TRAPPC13: variants seen among roughly 807,000 people sequenced by gnomAD.
TRAPPC13 encodes trafficking protein particle complex subunit 13, also known as REV7-interacting novel NHEJ regulator 1.
TRAPPC13 carries 39 observed loss-of-function variants against 54.0 expected under a neutral mutation model. That is an observed-to-expected ratio of 0.72 (90% CI 0.56 to 0.94). The LOEUF (loss-of-function observed/expected upper bound fraction) is 0.94. Ranked by LOEUF, TRAPPC13 falls within the 40% of genes least tolerant of loss-of-function variation. TRAPPC13 has a pLI of 0.00. For synonymous variants in TRAPPC13, 148 were observed against 167.7 expected (o/e 0.88, Z 0.91); for missense variants, 386 against 488.1 (o/e 0.79, Z 1.97).
At chr5:65,630,387 TGGA>T (rs1363101721) in intron 1 of TRAPPC13, 5 of 1,428,590 alleles carry the variant, frequency 3.5e-6, no homozygotes, top group Non-Finnish European at 4.6e-6. Flanking sequence ...GAAATGAATA[TGGA>T]TTGAAATAGA....
chr5:65,644,809 A>G (rs1756118735), intron 4 of TRAPPC13, among the ~76,000 whole-genome samples: 1 of 150,754 alleles, frequency 6.6e-6, no homozygotes, highest in Non-Finnish European at 1.5e-5. Flanking sequence ...TGAATCTGGG[A>G]GGTAGAGGTT....
Position 65,647,123 on chromosome 5 carries a change from A to G in TRAPPC13, c.369A>G (p.Lys123=). 2.5e-6 allele frequency: 4 copies of G among 1,572,266 alleles called. No individual in the cohort carries two copies. The highest frequency in any genetic ancestry group is 3.5e-6 in the Non-Finnish European group (4 of 1,156,850). Reference sequence around the variant, plus strand: ...CCAATGCTGCAGTGGCTGAACTTAAACCGGATTGTTGTATTGATGATGTCA... The same window carrying G: ...CCAATGCTGCAGTGGCTGAACTTAAGCCGGATTGTTGTATTGATGATGTCA... The part of the protein sequence containing the change: ...SASNAAVAEL[K]PDCCIDDVIH... The change falls in exon 5 of 13, where the codon AAA becomes AAG. Residue 123 remains lysine, a synonymous_variant. Coordinates refer to ENST00000399438, the MANE Select transcript of TRAPPC13 (RefSeq NM_024941.4).
rs150115894 is a variant in TRAPPC13, at chr5:65,648,567, C to T, written c.428+1385C>T. Among the ~76,000 whole-genome samples, 1,421 of 152,188 alleles carry T rather than the reference C, an allele frequency of 9.3e-3. 24 individuals are homozygous for T. Among genetic ancestry groups the T allele is most frequent in the African/African-American group, 0.033 (1,364 of 41,512 alleles). ...AGCAGCTAGTTTAGAAGACATAGAACTCAAATCCAAACCTAGTTTTAGATC... is the reference window on the plus strand; with the variant it reads ...AGCAGCTAGTTTAGAAGACATAGAATTCAAATCCAAACCTAGTTTTAGATC... On this transcript the variant is annotated intron_variant, in intron 5 of 12. Coordinates refer to ENST00000399438, the MANE Select transcript of TRAPPC13 (RefSeq NM_024941.4).
At chr5:65,636,144 C>CG (rs544409689) in intron 3 of TRAPPC13, 101 bp downstream of exon 3, 7 of 507,122 alleles carry the variant, frequency 1.4e-5, no homozygotes, top group South Asian at 1.2e-4. Context: ...ATACATTTAC[C>CG]TTTTTTTTTT....
intron 6 of TRAPPC13, 75 bp downstream of exon 6, chr5:65,650,957 T>A (rs1756408605): frequency 4.6e-6 from 5 of 1,086,944 alleles, no homozygotes; most frequent in Non-Finnish European, 5.5e-6. Flanking sequence ...TTCCCGTTTA[T>A]CTGCAGGGAA....
At chr5:65,642,335 A>G in intron 4 of TRAPPC13, among the ~76,000 whole-genome samples, 1 of 150,588 alleles carries the variant, frequency 6.6e-6, no homozygotes, top group East Asian at 1.9e-4. Flanking sequence ...AAAAAAAAAA[A>G]TTTCTTGTAT....
chr5:65,649,857 AT>A (rs34497762), intron 5 of TRAPPC13, among the ~76,000 whole-genome samples: 38,612 of 133,890 alleles, frequency 0.29, 4,870 homozygotes, highest in South Asian at 0.32. Flanking sequence ...ATCTATCTGT[AT>A]TTTTTTTTTT....
intron 11 of TRAPPC13, chr5:65,662,642 A>C (rs1403379314): frequency 1.3e-5 from 2 of 152,240 alleles, no homozygotes; most frequent in East Asian, 3.8e-4. Context: ...CAGGGCTTTG[A>C]AACCAGAAAA....
intron 8 of TRAPPC13, 52 bp downstream of exon 8, chr5:65,655,705 T>C (rs1756627034): frequency 9.9e-6 from 7 of 706,578 alleles, no homozygotes; most frequent in African/African-American, 1.8e-5. Flanking sequence ...TCACCACTTT[T>C]TGACTCTGCC....
At position 65,634,916 on chromosome 5, in the gene TRAPPC13, CT is replaced by C. The variant is rs1163412424; in HGVS notation, c.47-383del. On this transcript the variant is annotated intron_variant, in intron 1 of 12. Transcript: ENST00000399438. ...TGTCTCAAAAAAAAAACAAAAAACA[CT>C]TACTGAGTTTCCAAAGTTAATATTT... The C allele has an allele frequency of 3.9e-4, 52 of 132,604 alleles. 1 individual carries two copies. Among genetic ancestry groups the C allele is most frequent in the Non-Finnish European group, 5.0e-4 (52 of 103,298 alleles). The allele number at this position is 132,604 out of a possible 1,614,324, so 8.2% of individuals were successfully genotyped here.
At chr5:65,634,961 T>G in intron 1 of TRAPPC13, 1 of 906,068 alleles carries the variant, frequency 1.1e-6, no homozygotes, top group Non-Finnish European at 1.3e-6. Flanking sequence ...TTGTTTATGG[T>G]GAAATCACTT....
At chr5:65,627,885 AATT>A (rs1162893022) in intron 1 of TRAPPC13, among the ~76,000 whole-genome samples, 9 of 152,138 alleles carry the variant, frequency 5.9e-5, no homozygotes, top group Admixed American at 5.9e-4. Flanking sequence ...AAAATAATGA[AATT>A]ATTTCTTCTA....
In TRAPPC13 at chr5:65,635,955, A is replaced by C; in HGVS notation, c.127A>C (p.Asn43His). ...TTCTCTTCATTCAGGAGATCTCTTT[A>C]ACCAGCTGATGAGAGATGATCCTTC... ...EEKDLPGDLF[N>H]QLMRDDPSTV... Residue 43 changes from asparagine (N) to histidine (H), a missense_variant, in exon 3 of 13, where the codon AAC (asparagine) becomes CAC (histidine). Physicochemically the swap from Asn to His is moderately conservative, Grantham distance 68 (BLOSUM62 1). Transcript: ENST00000399438. 1 of 1,590,710 alleles carries C rather than the reference A, an allele frequency of 6.3e-7. No individual in the cohort carries two copies.
chr5:65,652,339 C>CTTTTTTTTTTTTTT (rs11354403), intron 6 of TRAPPC13, among the ~76,000 whole-genome samples, 162 bp from the exon 7 acceptor site: 13 of 116,224 alleles, frequency 1.1e-4, no homozygotes, highest in South Asian at 2.7e-4. Flanking sequence ...TTTTTCTTTT[C>CTTTTTTTTTTTTTT]TTTTTTTTTT....
chr5:65,635,875 A>G, intron 2 of TRAPPC13, 69 bp from the exon 3 acceptor site: 3 of 941,862 alleles, frequency 3.2e-6, no homozygotes, highest in Non-Finnish European at 4.7e-6. Flanking sequence ...TCTCCCAGCT[A>G]TTTCTTTATA....
chr5:65,649,451 G>A (rs1417680026), intron 5 of TRAPPC13, among the ~76,000 whole-genome samples: 2 of 152,116 alleles, frequency 1.3e-5, no homozygotes, highest in African/African-American at 2.4e-5. Context: ...ACCACTAGCA[G>A]GGTAGAAAGA....
chr5:65,627,506 A>C (rs1755299368), intron 1 of TRAPPC13, among the ~76,000 whole-genome samples: 1 of 151,870 alleles, frequency 6.6e-6, no homozygotes, highest in Admixed American at 6.6e-5. Flanking sequence ...GGTGTGCACC[A>C]GTGGTCCCAG....
chr5:65,630,039 A>C, intron 1 of TRAPPC13: 2 of 1,536,098 alleles, frequency 1.3e-6, no homozygotes, highest in Non-Finnish European at 1.7e-6. Context: ...TTGTCTAAAA[A>C]ATTGCAAGAT....
At chr5:65,641,708 C>CT (rs1167889792) in intron 4 of TRAPPC13, among the ~76,000 whole-genome samples, 1 of 103,328 alleles carries the variant, frequency 9.7e-6, no homozygotes, top group Non-Finnish European at 2.1e-5. Flanking sequence ...AATACCCTGT[C>CT]TGAGAAAAAA....
Sources: gnomAD v4.1 joint callset for allele counts (sites outside exome capture counted in the v4.1 genomes callset) on GRCh38, gnomAD v4.1.1 for gene constraint, MANE v1.5 for transcripts, NCBI Gene and HGNC (gene_info 2026-07-23, HGNC 2026-07-21) for gene names.